The following RFX3 variants were observed in gnomAD, a reference collection of about 807,000 sequenced individuals.
The protein encoded by RFX3 is regulatory factor X3.
A neutral mutation model predicts 98.6 loss-of-function variants in RFX3; 14 were observed. That is an observed-to-expected ratio of 0.14 (90% CI 0.09 to 0.22). The LOEUF (loss-of-function observed/expected upper bound fraction) is 0.22. Among genes scored for constraint, RFX3 ranks in the 10% least tolerant of loss-of-function variants. The pLI, the probability that RFX3 is intolerant of heterozygous loss-of-function variation, is 1.00. For missense variants in RFX3, 639 were observed against 926.9 expected (o/e 0.69, Z 4.03); for synonymous variants, 383 against 328.4 (o/e 1.17, Z -1.80).
At chr9:3,484,919 C>CA (rs1455628789) in intron 1 of RFX3, among the ~76,000 whole-genome samples, 1 of 150,298 alleles carries the variant, frequency 6.7e-6, no homozygotes, top group South Asian at 2.2e-4. Context: ...CACCCCCCCC[C>CA]ACCCCATCTC....
chr9:3,376,681 T>C (rs1838537063), intron 2 of RFX3, among the ~76,000 whole-genome samples: 1 of 152,062 alleles, frequency 6.6e-6, no homozygotes. Context: ...AGAAAATTTT[T>C]GCAATCTACT....
chr9:3,328,000 T>C (rs1832125462), intron 4 of RFX3, among the ~76,000 whole-genome samples: 1 of 152,172 alleles, frequency 6.6e-6, no homozygotes, highest in African/African-American at 2.4e-5. Context: ...CAAGTAAATT[T>C]AGTAAACCCA....
chr9:3,422,403 A>C (rs1348519066), intron 1 of RFX3, among the ~76,000 whole-genome samples: 5 of 152,172 alleles, frequency 3.3e-5, no homozygotes, highest in African/African-American at 1.2e-4. Flanking sequence ...AGATGACCTA[A>C]AGTCAAACAC....
At chr9:3,335,067 C>T (rs1016012037) in intron 3 of RFX3, among the ~76,000 whole-genome samples, 3 of 151,794 alleles carry the variant, frequency 2.0e-5, no homozygotes, top group South Asian at 2.1e-4. Context: ...TGCAGTGAGC[C>T]GAGGTCACAC....
At chr9:3,432,968 A>G (rs1844784339) in intron 1 of RFX3, among the ~76,000 whole-genome samples, 2 of 152,172 alleles carry the variant, frequency 1.3e-5, no homozygotes, top group Admixed American at 6.6e-5. Context: ...TATATAGGGG[A>G]TTAGTTCCAG....
chr9:3,268,633 T>C (rs867647662), intron 11 of RFX3, among the ~76,000 whole-genome samples: 1 of 151,952 alleles, frequency 6.6e-6, no homozygotes, highest in East Asian at 1.9e-4. Flanking sequence ...CTGCTTAATG[T>C]AGAGACAAGC....
intron 2 of RFX3, among the ~76,000 whole-genome samples, chr9:3,354,400 GAATA>G (rs1835501394): frequency 6.6e-6 from 1 of 151,650 alleles, no homozygotes; most frequent in South Asian, 2.1e-4. Context: ...TTTAAAAAAT[GAATA>G]AAGAACATTA....
At chr9:3,390,606 G>A (rs995758101) in intron 2 of RFX3, among the ~76,000 whole-genome samples, 1 of 152,060 alleles carries the variant, frequency 6.6e-6, no homozygotes, top group Non-Finnish European at 1.5e-5. Context: ...AACCCGGTGG[G>A]AGGCAACTGA....
At chr9:3,308,433 G>A (rs943325866) in intron 4 of RFX3, among the ~76,000 whole-genome samples, 2 of 152,122 alleles carry the variant, frequency 1.3e-5, no homozygotes, top group African/African-American at 2.4e-5. Context: ...CAGAGTGGCT[G>A]GTCTCTGGGG....
intron 1 of RFX3, among the ~76,000 whole-genome samples, chr9:3,485,118 A>C (rs1564162365): frequency 1.3e-5 from 2 of 152,110 alleles, no homozygotes; most frequent in South Asian, 2.1e-4. Context: ...TCTCAAAACA[A>C]AATTAATTAA....
At chr9:3,514,315 A>T (rs1224143282) in intron 1 of RFX3, among the ~76,000 whole-genome samples, 1 of 152,256 alleles carries the variant, frequency 6.6e-6, no homozygotes, top group African/African-American at 2.4e-5. Context: ...ACACCAAGCA[A>T]AATGTAAATT....
rs905657644 is a variant in RFX3 at position 3,224,941 on chromosome 9, T to A, written c.*101A>T. The A allele has an allele frequency of 8.6e-7, 1 of 1,168,540 alleles. No individual in the cohort carries two copies. Among genetic ancestry groups the A allele is most frequent in the Non-Finnish European group, 1.2e-6 (1 of 806,690 alleles). 72.4% of individuals were successfully genotyped at this position (1,168,540 alleles called of 1,614,324 possible). ...CCAAAAAGTTAATGTTCAGCACAGATAGAATTTGACAACAGTCGACCTTCA... is the reference window on the plus strand; with the variant it reads ...CCAAAAAGTTAATGTTCAGCACAGAAAGAATTTGACAACAGTCGACCTTCA... On this transcript the variant is annotated 3_prime_UTR_variant, in exon 17 of 17. Transcript: ENST00000617270.
chr9:3,366,241 A>G (rs1837052777), intron 2 of RFX3, among the ~76,000 whole-genome samples: 1 of 152,148 alleles, frequency 6.6e-6, no homozygotes, highest in African/African-American at 2.4e-5. Context: ...TATGCCCCGG[A>G]TGCAGTGTCT....
At chr9:3,425,618 C>G (rs369353018) in intron 1 of RFX3, among the ~76,000 whole-genome samples, 11 of 152,248 alleles carry the variant, frequency 7.2e-5, no homozygotes, top group African/African-American at 2.4e-4. Context: ...TTTAATGTGG[C>G]ACATTATAGT....
At chr9:3,461,019 G>C (rs1394731239) in intron 1 of RFX3, among the ~76,000 whole-genome samples, 3 of 150,350 alleles carry the variant, frequency 2.0e-5, no homozygotes, top group South Asian at 2.1e-4. Context: ...TGGTAGTTTT[G>C]GTACATTTTA....
chr9:3,524,662 A>C, intron 1 of RFX3: 1 of 979,100 alleles, frequency 1.0e-6, no homozygotes, highest in Non-Finnish European at 1.2e-6. Context: ...ACAAAGTCTC[A>C]TAATCACAAT....
At chr9:3,323,180 A>C (rs943685808) in intron 4 of RFX3, among the ~76,000 whole-genome samples, 1 of 152,242 alleles carries the variant, frequency 6.6e-6, no homozygotes, top group African/African-American at 2.4e-5. Flanking sequence ...ATCAAATCAC[A>C]TGCTTTGGGG....
chr9:3,246,431 T>C (rs761770025), intron 15 of RFX3, among the ~76,000 whole-genome samples: 28 of 152,260 alleles, frequency 1.8e-4, no homozygotes, highest in Non-Finnish European at 3.4e-4. Context: ...TCCACTGCCT[T>C]TGTTCCCTAG....
At chr9:3,502,319 A>G (rs1191304941) in intron 1 of RFX3, among the ~76,000 whole-genome samples, 3 of 152,096 alleles carry the variant, frequency 2.0e-5, no homozygotes, top group Non-Finnish European at 1.5e-5. Flanking sequence ...TTATATATCT[A>G]AAAACTTGAG....
Sources: gnomAD v4.1 joint callset for allele counts (sites outside exome capture counted in the v4.1 genomes callset) on GRCh38, gnomAD v4.1.1 for gene constraint, MANE v1.5 for transcripts, NCBI Gene and HGNC (gene_info 2026-07-23, HGNC 2026-07-21) for gene names.